Variants in APBB3 observed in about 807,000 individuals in gnomAD.
APBB3 encodes amyloid beta precursor protein binding family B member 3, also known as amyloid-beta A4 precursor protein-binding family B member 3.
In APBB3, 50 loss-of-function variants were observed where a neutral mutation model predicts 61.5. That is an observed-to-expected ratio of 0.81 (90% CI 0.65 to 1.03). APBB3 has a LOEUF of 1.03. APBB3 is among the 50% of genes least tolerant of loss of function. The probability of loss-of-function intolerance (pLI) is 0.00; values close to 1 mark genes in which losing one functional copy is unlikely to be tolerated. For synonymous variants in APBB3, 235 were observed against 233.0 expected (o/e 1.01, Z -0.08); for missense variants, 550 against 637.4 (o/e 0.86, Z 1.48).
In APBB3 at chr5:140,564,565, A is replaced by G. The variant is rs1581409066; in HGVS notation, c.-320T>C. 2.0e-6 allele frequency: 1 copy of G among 502,066 alleles called. No homozygotes were observed. Among genetic ancestry groups the G allele is most frequent in the East Asian group, 3.2e-5 (1 of 31,058 alleles). The allele number at this position is 502,066 out of a possible 1,614,324, so 31.1% of individuals were successfully genotyped here. A position where few individuals can be genotyped will look rare whatever the true frequency, so the allele number is the denominator to read the frequency against. ...GACACCACCGCCCAACTATGAACTCATCAGGCGCCTGAAGACCGACACGCC... is the reference window on the plus strand; with the variant it reads ...GACACCACCGCCCAACTATGAACTCGTCAGGCGCCTGAAGACCGACACGCC... On this transcript the variant is annotated 5_prime_UTR_variant, in exon 1 of 13. An upstream start codon of the reference 5' UTR is lost. Coordinates refer to ENST00000357560, the MANE Select transcript of APBB3 (RefSeq NM_133173.3). This position sits in a 1 kb window ranked among gnomAD's most constrained non-coding sequence, Gnocchi z 5.0.
intron 6 of APBB3, 92 bp from the exon 7 acceptor site, chr5:140,561,941 C>T: frequency 1.2e-6 from 2 of 1,611,694 alleles, no homozygotes; most frequent in Non-Finnish European, 1.7e-6. Flanking sequence ...GCCCACCCTC[C>T]CCAACCAGGG....
Position 140,564,123 on chromosome 5 carries a change from C to A in APBB3, c.49+74G>T, listed in dbSNP as rs887887645. 42 of 1,600,330 alleles carry A rather than the reference C, an allele frequency of 2.6e-5. No individual in the cohort carries two copies. The highest frequency in any genetic ancestry group is 1.0e-4 in the South Asian group (9 of 89,982). On this transcript the variant is annotated intron_variant, in intron 1 of 12. Transcript: ENST00000357560. This position sits in a 1 kb window ranked among gnomAD's most constrained non-coding sequence, Gnocchi z 5.0. Reference sequence around the variant, plus strand: ...AGAGGTATCCCCCACCGTCTTTGAGCCCCAGAGTAGCCTTTCGGATTCCCT... The same window carrying A: ...AGAGGTATCCCCCACCGTCTTTGAGACCCAGAGTAGCCTTTCGGATTCCCT...
In APBB3 at chr5:140,562,352, C is replaced by T; in HGVS notation, c.498+1G>A. 6.2e-6 allele frequency: 10 copies of T among 1,613,868 alleles called. No homozygotes were observed. The highest frequency in any genetic ancestry group is 8.5e-6 in the Non-Finnish European group (10 of 1,179,870). On this transcript the variant is annotated splice_donor_variant, in intron 5 of 12. Coordinates refer to ENST00000357560, the MANE Select transcript of APBB3 (RefSeq NM_133173.3). LOFTEE classifies it high-confidence loss of function. Reference sequence around the variant, plus strand: ...ACCATTAAAGGGCCCAGCCAACTCACCTCACCCCAGGCACCATCTGGAGGC... The same window carrying T: ...ACCATTAAAGGGCCCAGCCAACTCATCTCACCCCAGGCACCATCTGGAGGC...
Position 140,560,047 on chromosome 5 carries a change from C to T in APBB3, c.1224+266G>A, listed in dbSNP as rs545835832. On this transcript the variant is annotated intron_variant, in intron 12 of 12. Transcript: ENST00000357560. The surrounding 1 kb of genome is among the most constrained non-coding windows in gnomAD (Gnocchi z 5.1). ...GCTTCTGCACAACTCTGGCTGCATGCTGACACTTACACGTGTGAACTGAGT... is the reference window on the plus strand; with the variant it reads ...GCTTCTGCACAACTCTGGCTGCATGTTGACACTTACACGTGTGAACTGAGT... Among the ~76,000 whole-genome samples, 160 of 152,338 alleles carry T rather than the reference C, an allele frequency of 1.1e-3. No homozygotes were observed. Among genetic ancestry groups the T allele is most frequent in the African/African-American group, 3.8e-3 (157 of 41,574 alleles).
At position 140,561,580 on chromosome 5, in the gene APBB3, CACTT is replaced by C; in HGVS notation, c.747+3_747+6del. ...CCCACATTCCCTGCCCCACCCCTGA[CACTT>C]ACCTGGGCACAAAGCCCATGTAGGG... is the stretch of plus-strand genomic sequence containing the variant. On this transcript the variant is annotated splice_donor_5th_base_variant and intron_variant, in intron 8 of 12. Coordinates refer to ENST00000357560, the MANE Select transcript of APBB3 (RefSeq NM_133173.3). 3 of 1,614,176 alleles carry C rather than the reference CACTT, an allele frequency of 1.9e-6. No homozygotes were observed. Among genetic ancestry groups the C allele is most frequent in the Non-Finnish European group, 2.5e-6 (3 of 1,180,004 alleles).
In APBB3 at chr5:140,564,120, G is replaced by A. The variant is rs1755097968; in HGVS notation, c.49+77C>T. ...CAGAGAGGTATCCCCCACCGTCTTT[G>A]AGCCCCAGAGTAGCCTTTCGGATTC... On this transcript the variant is annotated intron_variant, in intron 1 of 12. Coordinates refer to ENST00000357560, the MANE Select transcript of APBB3 (RefSeq NM_133173.3). The surrounding 1 kb of genome is among the most constrained non-coding windows in gnomAD (Gnocchi z 5.0). The A allele has an allele frequency of 1.1e-5, 17 of 1,597,122 alleles. No individual in the cohort carries two copies. In the South Asian group the frequency reaches 1.7e-4, roughly 16 times the overall value.
At chr5:140,563,510 G>C in intron 3 of APBB3, 84 bp downstream of exon 3, 9 of 1,510,776 alleles carry the variant, frequency 6.0e-6, no homozygotes, top group Non-Finnish European at 8.3e-6. Flanking sequence ...CAGAACCTGG[G>C]CTGGAAAGCA....
At chr5:140,561,913 C>A in intron 6 of APBB3, 64 bp from the exon 7 acceptor site, 1 of 1,612,934 alleles carries the variant, frequency 6.2e-7, no homozygotes, top group Non-Finnish European at 8.5e-7. Context: ...TCTCCCCAAA[C>A]TGTCCCTGCT....
chr5:140,564,275 C>G lies in APBB3; in HGVS notation c.-30G>C, dbSNP rs780311883. The G allele has an allele frequency of 1.9e-5, 31 of 1,604,892 alleles. No homozygotes were observed. Among genetic ancestry groups the G allele is most frequent in the Non-Finnish European group, 2.5e-5 (30 of 1,179,712 alleles). The stretch of plus-strand genomic sequence containing the variant: ...CCGGCTGCTCCCCGCCAGCCTCTGC[C>G]GGCCCGCACTCTCAGCCCAGCGCGA... On this transcript the variant is annotated 5_prime_UTR_variant, in exon 1 of 13. Transcript: ENST00000357560. The surrounding 1 kb of genome is among the most constrained non-coding windows in gnomAD (Gnocchi z 5.0).
rs148938296 is a variant in APBB3, at chr5:140,558,718, G to A, written c.1328C>T (p.Ser443Phe). Reference sequence around the variant, plus strand: ...GGGGAGGGGCAGGGGACCTCCTGGGGAATCCATGGAGCTGGTCCGCTTGAG... The same window carrying A: ...GGGGAGGGGCAGGGGACCTCCTGGGAAATCCATGGAGCTGGTCCGCTTGAG... ...LRLKRTSSMD[S>F]PGGPLPLPLL... Residue 443 changes from serine (S) to phenylalanine (F), a missense_variant, in exon 13 of 13, where the codon TCC (serine) becomes TTC (phenylalanine). Ser to Phe is a radical substitution (Grantham distance 155). Around this residue, in one of 3 missense-constraint regions of APBB3, gnomAD observed 138 missense variants for 132.6 expected, o/e 1.04. Transcript: ENST00000357560. 4.0e-3 allele frequency: 6,519 copies of A among 1,609,844 alleles called. 15 individuals carry two copies. Among genetic ancestry groups the A allele is most frequent in the Non-Finnish European group, 4.9e-3 (5,756 of 1,178,868 alleles).
rs1755079173 is a variant in APBB3 at position 140,563,748 on chromosome 5, C to A, written c.213+4G>T. ...CTCAGACCTCCTCCTCACACTCTAC[C>A]TACCGTGCCTGGGTCCTCTGCATCT... On this transcript the variant is annotated splice_donor_region_variant and intron_variant, in intron 2 of 12. Coordinates refer to ENST00000357560, the MANE Select transcript of APBB3 (RefSeq NM_133173.3). The A allele has an allele frequency of 6.2e-7, 1 of 1,614,120 alleles. No individual in the cohort carries two copies. The highest frequency in any genetic ancestry group is 8.5e-7 in the Non-Finnish European group (1 of 1,179,996).
intron 6 of APBB3, 91 bp from the exon 7 acceptor site, chr5:140,561,940 C>T (rs1754975019): frequency 6.2e-7 from 1 of 1,611,584 alleles, no homozygotes; most frequent in Non-Finnish European, 8.5e-7. Context: ...GGCCCACCCT[C>T]CCCAACCAGG....
Position 140,561,589 on chromosome 5 carries a change from G to T in APBB3, c.745C>A (p.Gln249Lys), listed in dbSNP as rs1405470303. 6.2e-7 allele frequency: 1 copy of T among 1,614,112 alleles called. No individual in the cohort carries two copies. The highest frequency in any genetic ancestry group is 1.3e-5 in the African/African-American group (1 of 75,018). ...IASALHGLCA[Q>K]ILSERVEVSG... ...CCTGCCCCACCCCTGACACTTACCT[G>T]GGCACAAAGCCCATGTAGGGCACTG... The change falls in exon 8 of 13, where the codon CAG becomes AAG. Residue 249 changes from glutamine (Q) to lysine (K), a missense_variant and splice_region_variant. Coordinates refer to ENST00000357560, the MANE Select transcript of APBB3 (RefSeq NM_133173.3).
chr5:140,563,896 G>A lies in APBB3; in HGVS notation c.69C>T (p.His23=). The change falls in exon 2 of 13, where the codon CAC becomes CAT. Residue 23 remains histidine, a synonymous_variant. Transcript: ENST00000357560. ...VNCDDDLWGD[H]SLEVEAGLPP... ...GCAGGCCAGCCTCCACCTCCAGACTGTGGTCCCCCCACAAGTCATCTACAG... is the reference window on the plus strand; with the variant it reads ...GCAGGCCAGCCTCCACCTCCAGACTATGGTCCCCCCACAAGTCATCTACAG... The A allele has an allele frequency of 7.4e-6, 12 of 1,613,952 alleles. No individual in the cohort carries two copies. The highest frequency in any genetic ancestry group is 1.0e-5 in the Non-Finnish European group (12 of 1,179,994).
Position 140,563,927 on chromosome 5 carries a change from C to T in APBB3, c.50-12G>A. On this transcript the variant is annotated splice_polypyrimidine_tract_variant and intron_variant, in intron 1 of 12. Coordinates refer to ENST00000357560, the MANE Select transcript of APBB3 (RefSeq NM_133173.3). Reference sequence around the variant, plus strand: ...CCCCCACAAGTCATCTACAGGAACACCGGATTAGAGAGGAGGGAGCATATG... The same window carrying T: ...CCCCCACAAGTCATCTACAGGAACATCGGATTAGAGAGGAGGGAGCATATG... 2.5e-6 allele frequency: 4 copies of T among 1,612,402 alleles called. No individual in the cohort carries two copies. Among genetic ancestry groups the T allele is most frequent in the Non-Finnish European group, 3.4e-6 (4 of 1,179,564 alleles).
At position 140,562,670 on chromosome 5, in the gene APBB3, C is replaced by T. The variant is rs146738104; in HGVS notation, c.344G>A (p.Gly115Glu). 851 of 1,614,230 alleles carry T rather than the reference C, an allele frequency of 5.3e-4. No individual in the cohort carries two copies. Among genetic ancestry groups the T allele is most frequent in the Non-Finnish European group, 5.6e-4 (665 of 1,180,036 alleles). The change falls in exon 4 of 13, where the codon GGG becomes GAG. Residue 115 changes from glycine (G) to glutamate (E), a missense_variant. Gly to Glu is a moderately conservative substitution (Grantham distance 98, BLOSUM62 -2). Around this residue, in one of 3 missense-constraint regions of APBB3, gnomAD observed 405 missense variants for 483.4 expected, o/e 0.84. Coordinates refer to ENST00000357560, the MANE Select transcript of APBB3 (RefSeq NM_133173.3). ...TCAGGCCCAAGTCACTACCTTAGCC[C>T]CTGGCTCCATGCTCTGGATGTAGGA... ...GESYIQSMEPGAKCFAVRSLG... is the reference protein window; with the variant it reads ...GESYIQSMEPEAKCFAVRSLG...
Position 140,561,023 on chromosome 5 carries a change from G to T in APBB3, c.911C>A (p.Ala304Asp). ...GCAGCCCCCTCAGTCCTCACCCATGGCCTTGGTGACTGGCAGTGTCCCCAT... is the reference window on the plus strand; with the variant it reads ...GCAGCCCCCTCAGTCCTCACCCATGTCCTTGGTGACTGGCAGTGTCCCCAT... ...LYMGTLPVTK[A>D]MGMDVLNEAI... is the part of the protein sequence containing the mutation. Residue 304 changes from alanine (A) to aspartate (D), a missense_variant, in exon 10 of 13, where the codon GCC becomes GAC. Physicochemically the swap from Ala to Asp is moderately radical, Grantham distance 126 (BLOSUM62 -2). Around this residue, in one of 3 missense-constraint regions of APBB3, gnomAD observed 405 missense variants for 483.4 expected, o/e 0.84. Coordinates refer to ENST00000357560, the MANE Select transcript of APBB3 (RefSeq NM_133173.3). The T allele has an allele frequency of 6.2e-7, 1 of 1,612,748 alleles. No individual in the cohort carries two copies.
intron 3 of APBB3, chr5:140,563,038 A>G: frequency 2.7e-6 from 1 of 365,404 alleles, no homozygotes; most frequent in South Asian, 2.8e-5. Context: ...TGAGGTCAGG[A>G]TATCGAGACC....
intron 12 of APBB3, among the ~76,000 whole-genome samples, chr5:140,559,606 T>C (rs1401212609): frequency 6.6e-6 from 1 of 152,216 alleles, no homozygotes; most frequent in African/African-American, 2.4e-5. Flanking sequence ...GATACTCTCA[T>C]CCACTAATAT....
Sources: allele counts gnomAD v4.1 joint callset (sites outside exome capture counted in the v4.1 genomes callset), GRCh38; gene constraint gnomAD v4.1.1; regional missense constraint gnomAD v4.1.1; non-coding constraint Gnocchi (gnomAD v3.1); transcripts MANE v1.5; gene names NCBI Gene and HGNC (gene_info 2026-07-23, HGNC 2026-07-21).